Variants in SEC14L5 observed in about 807,000 individuals in gnomAD.
SEC14L5 encodes SEC14 like lipid binding 5.
In SEC14L5, 96 loss-of-function variants were observed where a neutral mutation model predicts 84.6. The observed-to-expected ratio is 1.13, with a 90% CI of 0.96 to 1.34. The LOEUF is 1.34. Ranked by LOEUF, SEC14L5 falls within the 40% of genes most tolerant of loss-of-function variation. The pLI is 0.00. For missense variants in SEC14L5, 1,224 were observed against 942.5 expected, an observed-to-expected ratio of 1.30 and a Z score of -3.91; for synonymous variants, 546 against 383.4, an observed-to-expected ratio of 1.42 and a Z score of -4.95.
intron 4 of SEC14L5, among the ~76,000 whole-genome samples, chr16:4,988,493 T>A (rs1955520098): frequency 6.6e-6 from 1 of 152,238 alleles, no homozygotes; most frequent in African/African-American, 2.4e-5. Context: ...GCTTGGGATA[T>A]ACTTATACTC....
intron 2 of SEC14L5, among the ~76,000 whole-genome samples, chr16:4,962,500 C>A (rs1169836508): frequency 6.6e-6 from 1 of 152,008 alleles, no homozygotes; most frequent in African/African-American, 2.4e-5. Flanking sequence ...CGAGCTTGGC[C>A]AACATGGTAA....
chr16:5,014,973 G>T lies in SEC14L5; in HGVS notation c.*3G>T. On this transcript the variant is annotated 3_prime_UTR_variant, in exon 16 of 16. Coordinates refer to ENST00000251170, the MANE Select transcript of SEC14L5 (RefSeq NM_014692.2). Reference sequence around the variant, plus strand: ...GCAGCTCCCTGGTCTCCAGATAGCCGGGCCCAGTGTTTCAGGGCCGCCCGC... The same window carrying T: ...GCAGCTCCCTGGTCTCCAGATAGCCTGGCCCAGTGTTTCAGGGCCGCCCGC... 6.2e-7 allele frequency: 1 copy of T among 1,607,140 alleles called. No homozygotes were observed. Among genetic ancestry groups the T allele is most frequent in the Non-Finnish European group, 8.5e-7 (1 of 1,177,988 alleles).
chr16:4,963,277 C>A (rs936030127), intron 2 of SEC14L5, among the ~76,000 whole-genome samples: 2 of 152,178 alleles, frequency 1.3e-5, no homozygotes, highest in Non-Finnish European at 2.9e-5. Flanking sequence ...ACAGAGATTT[C>A]TCTCCAAATC....
chr16:4,987,603 T>C lies in SEC14L5; in HGVS notation c.110T>C (p.Leu37Pro). The C allele has an allele frequency of 1.9e-6, 3 of 1,560,948 alleles. No individual in the cohort carries two copies. The highest frequency in any genetic ancestry group is 2.4e-5 in the East Asian group (1 of 41,198). ...ACGTGCCCACAGATCCCAGTCTTCC[T>C]GGGCAGCGAGGTCTTGCGCGAGTCC... The part of the protein sequence containing the change: ...FPTCPQIPVF[L>P]GSEVLRESRS... Residue 37 changes from leucine to proline, a missense_variant, in exon 3 of 16, where the codon CTG becomes CCG. Coordinates refer to ENST00000251170, the MANE Select transcript of SEC14L5 (RefSeq NM_014692.2).
chr16:4,975,272 A>T (rs1284311818), intron 2 of SEC14L5, among the ~76,000 whole-genome samples: 1 of 151,698 alleles, frequency 6.6e-6, no homozygotes, highest in East Asian at 1.9e-4. Context: ...GGAGATCAAG[A>T]CCATCCTGGC....
intron 2 of SEC14L5, among the ~76,000 whole-genome samples, chr16:4,965,713 C>T (rs950440959): frequency 5.0e-5 from 7 of 141,134 alleles, no homozygotes; most frequent in Non-Finnish European, 6.1e-5. Flanking sequence ...TGAATGGTAC[C>T]GGTTATTCAA....
intron 2 of SEC14L5, among the ~76,000 whole-genome samples, chr16:4,980,964 C>T (rs1053633619): frequency 1.3e-5 from 2 of 151,784 alleles, no homozygotes; most frequent in African/African-American, 2.4e-5. Flanking sequence ...AGGGACACGT[C>T]GATGTATTGT....
intron 14 of SEC14L5, among the ~76,000 whole-genome samples, chr16:5,010,359 G>C (rs56138844): frequency 1.0e-3 from 153 of 151,232 alleles, no homozygotes; most frequent in African/African-American, 3.6e-3. Flanking sequence ...GTGAAACTCC[G>C]TCTCAGAAAA....
intron 2 of SEC14L5, among the ~76,000 whole-genome samples, chr16:4,974,021 G>A (rs1955309924): frequency 1.3e-5 from 2 of 151,868 alleles, no homozygotes; most frequent in South Asian, 4.2e-4. Flanking sequence ...CCGGAGAAGG[G>A]AATACATAGA....
At chr16:4,973,680 C>CTTTTTTTTTTTTTTT (rs34324146) in intron 2 of SEC14L5, among the ~76,000 whole-genome samples, 1 of 127,110 alleles carries the variant, frequency 7.9e-6, no homozygotes, top group Non-Finnish European at 1.6e-5. Flanking sequence ...TTCTCTGTCT[C>CTTTTTTTTTTTTTTT]TTTTTTTTTT....
chr16:4,977,113 C>G (rs1955351491), intron 2 of SEC14L5, among the ~76,000 whole-genome samples: 1 of 152,172 alleles, frequency 6.6e-6, no homozygotes, highest in African/African-American at 2.4e-5. Context: ...CAATGTTTAA[C>G]AAGGAAAGAA....
chr16:4,988,400 A>G, intron 4 of SEC14L5, 120 bp downstream of exon 4: 1 of 1,279,628 alleles, frequency 7.8e-7, no homozygotes, highest in Non-Finnish European at 1.1e-6. Flanking sequence ...CTCCTGGGGC[A>G]TTGTCAAGAA....
chr16:5,001,352 G>T (rs769247210), intron 10 of SEC14L5, among the ~76,000 whole-genome samples: 1 of 150,684 alleles, frequency 6.6e-6, no homozygotes, highest in African/African-American at 2.4e-5. Flanking sequence ...TCTGCCTTCC[G>T]GGTTCAAGCG....
At chr16:5,013,784 C>T (rs922841565) in intron 15 of SEC14L5, among the ~76,000 whole-genome samples, 1 of 152,042 alleles carries the variant, frequency 6.6e-6, no homozygotes, top group Admixed American at 6.6e-5. Flanking sequence ...TGTCGAACTC[C>T]TGGCCTCAAG....
intron 1 of SEC14L5, among the ~76,000 whole-genome samples, chr16:4,958,988 G>A (rs1243034894): frequency 2.0e-5 from 3 of 152,014 alleles, no homozygotes; most frequent in Non-Finnish European, 2.9e-5. Flanking sequence ...CTGTGTGGGT[G>A]GCCGTAAGGC....
Position 5,003,515 on chromosome 16 carries a change from C to T in SEC14L5, c.1244C>T (p.Thr415Ile), listed in dbSNP as rs767784111. The T allele has an allele frequency of 3.5e-5, 54 of 1,554,240 alleles. No individual in the cohort carries two copies. Among genetic ancestry groups the T allele is most frequent in the Non-Finnish European group, 4.7e-5 (54 of 1,143,334 alleles). Residue 415 changes from threonine to isoleucine, a missense_variant, in exon 11 of 16, where the codon ACC becomes ATC. Transcript: ENST00000251170. ...GTGGTTGAGGACAATTACCCAGAGA[C>T]CCTGGGTCGGCTGCTCATCGTGCGA... ...IEVVEDNYPE[T>I]LGRLLIVRAP...
In SEC14L5 at chr16:4,996,884, C is replaced by G. The variant is rs1423119772; in HGVS notation, c.810C>G (p.Phe270Leu). The part of the protein sequence containing the change: ...KIPKDEHILR[F>L]LRAHDFHLDK... ...CCAAAGATGAGCACATCCTTCGGTTCCTGCGGGCTCATGACTTCCACCTGG... is the reference window on the plus strand; with the variant it reads ...CCAAAGATGAGCACATCCTTCGGTTGCTGCGGGCTCATGACTTCCACCTGG... Residue 270 changes from phenylalanine to leucine, a missense_variant, in exon 8 of 16, where the codon TTC (phenylalanine) becomes TTG (leucine). Physicochemically the swap from Phe to Leu is conservative, Grantham distance 22. Transcript: ENST00000251170. 6.2e-7 allele frequency: 1 copy of G among 1,613,342 alleles called. No individual in the cohort carries two copies. The highest frequency in any genetic ancestry group is 8.5e-7 in the Non-Finnish European group (1 of 1,179,656).
chr16:4,976,297 G>A (rs1210493508), intron 2 of SEC14L5, among the ~76,000 whole-genome samples: 1 of 152,320 alleles, frequency 6.6e-6, no homozygotes, highest in East Asian at 1.9e-4. Flanking sequence ...GCAGAGCAGA[G>A]ATCCCAACCC....
intron 2 of SEC14L5, among the ~76,000 whole-genome samples, chr16:4,973,157 C>T (rs1393198045): frequency 2.0e-5 from 3 of 152,170 alleles, no homozygotes; most frequent in African/African-American, 7.2e-5. Flanking sequence ...TGAGAGCATC[C>T]AGCTGTCAAG....
Sources: allele counts gnomAD v4.1 joint callset (sites outside exome capture counted in the v4.1 genomes callset), GRCh38; gene constraint gnomAD v4.1.1; transcripts MANE v1.5; gene names NCBI Gene and HGNC (gene_info 2026-07-23, HGNC 2026-07-21).